Variants in GPHN observed in about 807,000 individuals in gnomAD.
The protein encoded by GPHN is gephyrin.
Under a neutral mutation model 95.5 loss-of-function variants are expected in GPHN, and 17 were observed. The ratio of observed to expected loss-of-function variants is 0.18; its 90% CI spans 0.12 to 0.27. The LOEUF is 0.27. Among genes scored for constraint, GPHN ranks in the 10% least tolerant of loss-of-function variants. GPHN has a pLI of 1.00. For synonymous variants in GPHN, 320 were observed against 322.5 expected, an observed-to-expected ratio of 0.99 and a Z score of 0.08; for missense variants, 660 against 978.1, an observed-to-expected ratio of 0.67 and a Z score of 4.34.
At chr14:67,070,354 T>C (rs1297864588) in intron 11 of GPHN, among the ~76,000 whole-genome samples, 1 of 148,582 alleles carries the variant, frequency 6.7e-6, no homozygotes, top group Non-Finnish European at 1.5e-5. Context: ...TACACACATA[T>C]ATATATAAAA....
chr14:67,603,148 C>T, the GPHN span, among the ~76,000 whole-genome samples: 3 of 152,278 alleles, frequency 2.0e-5, no homozygotes, highest in Admixed American at 6.5e-5. Flanking sequence ...TGGCTCACTG[C>T]AGTCTCAACT....
At chr14:67,481,391 T>G in the GPHN span, among the ~76,000 whole-genome samples, 1 of 151,988 alleles carries the variant, frequency 6.6e-6, no homozygotes, top group Middle Eastern at 3.4e-3. Context: ...CCATGGGTAG[T>G]AGATGGAGGG....
chr14:66,654,867 C>G (rs2065228448), intron 1 of GPHN, among the ~76,000 whole-genome samples: 1 of 152,118 alleles, frequency 6.6e-6, no homozygotes, highest in South Asian at 2.1e-4. Context: ...TATGGATATG[C>G]ACTTGCTCCA....
At chr14:67,569,329 T>G in the GPHN span, 2 of 682,388 alleles carry the variant, frequency 2.9e-6, no homozygotes, top group Non-Finnish European at 5.1e-6. Context: ...TGGCCTACCC[T>G]GTTCCCCTCC....
chr14:67,444,790 C>T, the GPHN span, among the ~76,000 whole-genome samples: 6 of 152,210 alleles, frequency 3.9e-5, no homozygotes, highest in South Asian at 2.1e-4. Flanking sequence ...GACAGAGTAT[C>T]GCTCTGTCAC....
the GPHN span, chr14:67,599,964 A>G: frequency 1.2e-5 from 17 of 1,426,912 alleles, no homozygotes; most frequent in Non-Finnish European, 1.4e-5. Context: ...AAGACCCCAA[A>G]GACCCTCCCA....
chr14:67,230,689 A>T, the GPHN span, among the ~76,000 whole-genome samples: 1 of 152,212 alleles, frequency 6.6e-6, no homozygotes, highest in Non-Finnish European at 1.5e-5. Flanking sequence ...ATAGCAAAAA[A>T]CTAGAAACAC....
chr14:66,753,492 A>G (rs2058446105), intron 2 of GPHN, among the ~76,000 whole-genome samples: 1 of 145,760 alleles, frequency 6.9e-6, no homozygotes, highest in Admixed American at 6.9e-5. Context: ...GCTAACTGAT[A>G]TAAAGTTTCT....
chr14:66,604,986 G>A (rs1440050243), intron 1 of GPHN, among the ~76,000 whole-genome samples: 3 of 152,070 alleles, frequency 2.0e-5, no homozygotes, highest in South Asian at 4.2e-4. Context: ...GTGTTAATTA[G>A]GATAATGGCC....
At chr14:66,960,448 T>C (rs925597009) in intron 8 of GPHN, among the ~76,000 whole-genome samples, 1 of 152,230 alleles carries the variant, frequency 6.6e-6, no homozygotes, top group Non-Finnish European at 1.5e-5. Flanking sequence ...GTAGTAGTTA[T>C]TTGTTTGTTA....
At chr14:67,704,586 G>A in the GPHN span, among the ~76,000 whole-genome samples, 10 of 152,162 alleles carry the variant, frequency 6.6e-5, no homozygotes, top group Non-Finnish European at 1.5e-4. Context: ...CTAAAACTCA[G>A]CAGGTGTCTT....
At chr14:66,596,889 T>C (rs559911053) in intron 1 of GPHN, among the ~76,000 whole-genome samples, 1 of 152,316 alleles carries the variant, frequency 6.6e-6, no homozygotes, top group East Asian at 1.9e-4. Flanking sequence ...CAGCCCCAGC[T>C]GTGCCTCCCC....
At chr14:67,341,512 G>T in the GPHN span, among the ~76,000 whole-genome samples, 1 of 150,546 alleles carries the variant, frequency 6.6e-6, no homozygotes, top group East Asian at 2.0e-4. Flanking sequence ...GGAGGGAGGT[G>T]GGGGGGGTCA....
the GPHN span, among the ~76,000 whole-genome samples, chr14:67,700,889 G>A: frequency 6.2e-4 from 94 of 151,150 alleles, no homozygotes; most frequent in Non-Finnish European, 1.3e-3. Flanking sequence ...GCTGGGCACG[G>A]CGGCGAATGC....
chr14:66,613,773 T>C (rs1465637772), intron 1 of GPHN, among the ~76,000 whole-genome samples: 1 of 152,186 alleles, frequency 6.6e-6, no homozygotes, highest in Non-Finnish European at 1.5e-5. Flanking sequence ...CTTGGATAAA[T>C]ATTAGTATAA....
At chr14:66,887,653 A>G (rs1201215002) in intron 5 of GPHN, among the ~76,000 whole-genome samples, 1 of 152,150 alleles carries the variant, frequency 6.6e-6, no homozygotes, top group Admixed American at 6.5e-5. Context: ...ACATTACTAG[A>G]GGCCTGTCTA....
the GPHN span, chr14:67,320,924 G>T: frequency 1.4e-6 from 1 of 710,540 alleles, no homozygotes; most frequent in Non-Finnish European, 2.4e-6. Flanking sequence ...AAACATGTAG[G>T]CACTTAGCAT....
At chr14:67,498,035 C>T in the GPHN span, among the ~76,000 whole-genome samples, 1 of 152,144 alleles carries the variant, frequency 6.6e-6, no homozygotes, top group Non-Finnish European at 1.5e-5. Flanking sequence ...GGTTGAAGTT[C>T]TCTGAAGTTC....
rs546351635 is a variant in GPHN at position 66,596,319 on chromosome 14, C to G, written c.65-84788C>G. The stretch of plus-strand genomic sequence containing the variant: ...GGCACTGGCAGTCCAGTCCCCAAAC[C>G]TCAGGCTGTCTCTGACCTGAAGATG... On this transcript the variant is annotated intron_variant, in intron 1 of 22. Coordinates refer to ENST00000478722, the MANE Select transcript of GPHN (RefSeq NM_020806.5). Among the ~76,000 whole-genome samples the G allele has an allele frequency of 1.6e-4, 25 of 152,228 alleles. No individual in the cohort carries two copies. In the East Asian group the frequency reaches 2.5e-3, roughly 15 times the overall value.
Sources: allele counts gnomAD v4.1 joint callset (sites outside exome capture counted in the v4.1 genomes callset), GRCh38; gene constraint gnomAD v4.1.1; transcripts MANE v1.5; gene names NCBI Gene and HGNC (gene_info 2026-07-23, HGNC 2026-07-21).